The following UGGT1 variants were observed in gnomAD, a reference collection of about 807,000 sequenced individuals.
UGGT1 encodes UDP-glucose glycoprotein glucosyltransferase 1.
A neutral mutation model predicts 203.9 loss-of-function variants in UGGT1; 107 were observed. The ratio of observed to expected loss-of-function variants is 0.52; its 90% confidence interval spans 0.45 to 0.62. The LOEUF (loss-of-function observed/expected upper bound fraction) is 0.62, where lower values mean the gene tolerates loss of function less well. Among genes scored for constraint, UGGT1 ranks in the 20% least tolerant of loss-of-function variants. The pLI is 0.00. For synonymous variants in UGGT1, 628 were observed against 653.5 expected, an observed-to-expected ratio of 0.96 and a Z score of 0.59; for missense variants, 1,673 against 1,867.2, an observed-to-expected ratio of 0.90 and a Z score of 1.92.
At chr2:128,096,360 G>C (rs1687116064) in intron 1 of UGGT1, among the ~76,000 whole-genome samples, 1 of 152,204 alleles carries the variant, frequency 6.6e-6, no homozygotes, top group South Asian at 2.1e-4. Flanking sequence ...TAGAACAATA[G>C]ATATTTACTG....
chr2:128,117,710 A>AT (rs1450954722), intron 8 of UGGT1, among the ~76,000 whole-genome samples: 2 of 151,426 alleles, frequency 1.3e-5, no homozygotes, highest in Non-Finnish European at 2.9e-5. Context: ...CACCCGGCTA[A>AT]TTTTTTGTAT....
At chr2:128,174,726 T>G in intron 30 of UGGT1, 47 bp from the exon 31 acceptor site, 2 of 1,401,466 alleles carry the variant, frequency 1.4e-6, no homozygotes, top group Non-Finnish European at 2.0e-6. Context: ...AGAAATAACA[T>G]TTTGGTGTTT....
At chr2:128,151,489 A>C (rs1354419253) in intron 18 of UGGT1, among the ~76,000 whole-genome samples, 1 of 152,208 alleles carries the variant, frequency 6.6e-6, no homozygotes, top group Non-Finnish European at 1.5e-5. Flanking sequence ...ACAGTGAGCC[A>C]TCTAATATCT....
chr2:128,163,002 G>A (rs944787643), intron 25 of UGGT1, among the ~76,000 whole-genome samples: 6 of 152,258 alleles, frequency 3.9e-5, no homozygotes, highest in South Asian at 2.1e-4. Flanking sequence ...CCCCTTCCCC[G>A]TGACAGCCAC....
Position 128,155,607 on chromosome 2 carries a change from T to A in UGGT1, c.2236+20T>A, listed in dbSNP as rs1264829597. ...AGAAAGGTAATCCATTTGAGGCTTA[T>A]TATCTTGCATTCAACATTTTTTTGA... is the stretch of plus-strand genomic sequence containing the variant. On this transcript the variant is annotated intron_variant, in intron 20 of 40. Transcript: ENST00000259253. 1 of 1,570,052 alleles carries A rather than the reference T, an allele frequency of 6.4e-7. No homozygotes were observed. The highest frequency in any genetic ancestry group is 1.2e-5 in the South Asian group (1 of 86,038).
At chr2:128,166,155 C>G (rs1376403677) in intron 26 of UGGT1, among the ~76,000 whole-genome samples, 3 of 152,160 alleles carry the variant, frequency 2.0e-5, no homozygotes, top group African/African-American at 7.2e-5. Flanking sequence ...AATGAGCACC[C>G]AAATATCCTT....
chr2:128,186,162 A>G (rs1052176198), intron 38 of UGGT1, among the ~76,000 whole-genome samples: 1 of 152,210 alleles, frequency 6.6e-6, no homozygotes, highest in Non-Finnish European at 1.5e-5. Flanking sequence ...GTTGCTTATT[A>G]TGGGCAGATG....
At chr2:128,113,631 G>A (rs1002859935) in intron 6 of UGGT1, among the ~76,000 whole-genome samples, 1 of 152,082 alleles carries the variant, frequency 6.6e-6, no homozygotes, top group African/African-American at 2.4e-5. Flanking sequence ...GTGGAAGGGG[G>A]AGGATTTTCT....
chr2:128,156,707 A>G (rs1371336555), intron 21 of UGGT1, among the ~76,000 whole-genome samples: 2 of 151,998 alleles, frequency 1.3e-5, no homozygotes, highest in African/African-American at 4.8e-5. Context: ...AGCTGGGATT[A>G]CAGGCACCCG....
At chr2:128,147,831 C>T (rs1269700917) in intron 18 of UGGT1, among the ~76,000 whole-genome samples, 1 of 152,146 alleles carries the variant, frequency 6.6e-6, no homozygotes, top group Non-Finnish European at 1.5e-5. Flanking sequence ...AGGCAGGTCT[C>T]AGGTCGCGAA....
chr2:128,180,920 A>G lies in UGGT1; in HGVS notation c.3931A>G (p.Asn1311Asp), dbSNP rs745936960. 3 of 1,613,930 alleles carry G rather than the reference A, an allele frequency of 1.9e-6. No homozygotes were observed. The highest frequency in any genetic ancestry group is 1.1e-5 in the South Asian group (1 of 91,010). The change falls in exon 36 of 41, where the codon AAT becomes GAT. Residue 1311 changes from asparagine to aspartate, a missense_variant. Coordinates refer to ENST00000259253, the MANE Select transcript of UGGT1 (RefSeq NM_020120.4). Reference sequence around the variant, plus strand: ...TATACCTTACATGGCAAATGAATACAATTTCCAGTATGAGCTTGTTCAGTA... The same window carrying G: ...TATACCTTACATGGCAAATGAATACGATTTCCAGTATGAGCTTGTTCAGTA... ...EFIPYMANEY[N>D]FQYELVQYKW...
chr2:128,183,081 A>G (rs1027296152), intron 37 of UGGT1, among the ~76,000 whole-genome samples: 3 of 152,174 alleles, frequency 2.0e-5, no homozygotes, highest in East Asian at 3.8e-4. Flanking sequence ...TTCATATCTC[A>G]TATATTTGTG....
At position 128,183,658 on chromosome 2, in the gene UGGT1, G is replaced by C. The variant is rs779780495; in HGVS notation, c.4245-17G>C. On this transcript the variant is annotated splice_polypyrimidine_tract_variant and intron_variant, in intron 37 of 40. Transcript: ENST00000259253. ...TAATCCATGGTTGGTTGTAACAAGC[G>C]GGTCTTCTTTATTCAGTGCACTATA... is the stretch of plus-strand genomic sequence containing the variant. 6.3e-7 allele frequency: 1 copy of C among 1,588,346 alleles called. No individual in the cohort carries two copies. Among genetic ancestry groups the C allele is most frequent in the Non-Finnish European group, 8.6e-7 (1 of 1,157,472 alleles).
chr2:128,153,253 A>G (rs1363842649), intron 19 of UGGT1, among the ~76,000 whole-genome samples: 1 of 152,238 alleles, frequency 6.6e-6, no homozygotes, highest in Admixed American at 6.5e-5. Context: ...CTTCATCCTC[A>G]TTCTAGAGTC....
intron 10 of UGGT1, among the ~76,000 whole-genome samples, chr2:128,122,240 AG>A (rs1471800985): frequency 6.6e-6 from 1 of 150,884 alleles, no homozygotes; most frequent in Non-Finnish European, 1.5e-5. Context: ...GGTGCTCAAA[AG>A]GGGGAAGTGG....
chr2:128,174,196 TTTTTC>T (rs754292791), intron 30 of UGGT1, among the ~76,000 whole-genome samples: 4 of 152,170 alleles, frequency 2.6e-5, no homozygotes, highest in Non-Finnish European at 5.9e-5. Context: ...GCTGACAGCC[TTTTTC>T]TTTTCTTTGG....
At chr2:128,186,071 A>G (rs1162223272) in intron 38 of UGGT1, among the ~76,000 whole-genome samples, 1 of 152,326 alleles carries the variant, frequency 6.6e-6, no homozygotes, top group East Asian at 1.9e-4. Flanking sequence ...AGAAGTCAGT[A>G]GGAGTATTTT....
chr2:128,125,352 A>C (rs1232899046), intron 11 of UGGT1, among the ~76,000 whole-genome samples: 1 of 152,152 alleles, frequency 6.6e-6, no homozygotes, highest in Non-Finnish European at 1.5e-5. Flanking sequence ...TTTGTCTTAA[A>C]GGGCTTTATA....
intron 18 of UGGT1, among the ~76,000 whole-genome samples, chr2:128,150,668 CT>C (rs1205834782): frequency 5.9e-4 from 80 of 136,704 alleles, no homozygotes; most frequent in African/African-American, 2.1e-3. Context: ...TAATTAATAA[CT>C]TTTTTTTTTT....
Sources: gnomAD v4.1 joint callset for allele counts (sites outside exome capture counted in the v4.1 genomes callset) on GRCh38, gnomAD v4.1.1 for gene constraint, MANE v1.5 for transcripts, NCBI Gene and HGNC (gene_info 2026-07-23, HGNC 2026-07-21) for gene names.